CDH23: variants seen among roughly 807,000 people sequenced by gnomAD.
CDH23 encodes the protein cadherin related 23, also known as cadherin-23.
CDH23 carries 189 observed loss-of-function variants against 317.1 expected under a neutral mutation model. That is an observed-to-expected ratio of 0.60 (90% confidence interval 0.53 to 0.67). The LOEUF (loss-of-function observed/expected upper bound fraction) is 0.67. CDH23 is among the 30% of genes least tolerant of loss of function. CDH23 has a pLI of 0.00. For missense variants in CDH23, 4,401 were observed against 4,592.4 expected, an observed-to-expected ratio of 0.96 and a Z score of 1.20; for synonymous variants, 1,839 against 1,876.8, an observed-to-expected ratio of 0.98 and a Z score of 0.52.
chr10:71,658,262 AGAGAGAGGGAGGGAG>A (rs1428907250), intron 14 of CDH23, among the ~76,000 whole-genome samples: 2 of 152,132 alleles, frequency 1.3e-5, no homozygotes, highest in Non-Finnish European at 2.9e-5. Flanking sequence ...AGAAAGAGGA[AGAGAGAGGGAGGGAG>A]GAGAGAGCGA....
chr10:71,686,854 T>C (rs1421721244), intron 18 of CDH23, among the ~76,000 whole-genome samples: 3 of 151,844 alleles, frequency 2.0e-5, no homozygotes, highest in African/African-American at 4.8e-5. Context: ...TTGGTGAGGA[T>C]AAGAGTATTA....
At chr10:71,691,794 G>T (rs1320006404) in intron 20 of CDH23, among the ~76,000 whole-genome samples, 1 of 152,214 alleles carries the variant, frequency 6.6e-6, no homozygotes, top group Non-Finnish European at 1.5e-5. Flanking sequence ...GTGGTCAGTG[G>T]CCAGCAGGGC....
At chr10:71,437,330 C>T (rs1426410329) in intron 1 of CDH23, among the ~76,000 whole-genome samples, 3 of 152,170 alleles carry the variant, frequency 2.0e-5, no homozygotes, top group Admixed American at 6.5e-5. Context: ...GAGAGATGTT[C>T]GCGGTGGCAT....
intron 16 of CDH23, 77 bp from the exon 17 acceptor site, chr10:71,679,310 C>G: frequency 1.6e-6 from 1 of 639,936 alleles, no homozygotes; most frequent in Non-Finnish European, 2.9e-6. Flanking sequence ...GTCTTCCCCA[C>G]CCTCCCAGCT....
chr10:71,715,571 T>TGGCACCTGGAGGGCAAGGCTTC (rs1866176029), intron 28 of CDH23: 1 of 199,388 alleles, frequency 5.0e-6, no homozygotes, highest in Non-Finnish European at 1.0e-5. Context: ...TGCTGGGCTT[T>TGGCACCTGGAGGGCAAGGCTTC]GGCACCTGGA....
chr10:71,500,677 A>G (rs1853241389), intron 3 of CDH23, among the ~76,000 whole-genome samples: 1 of 152,170 alleles, frequency 6.6e-6, no homozygotes, highest in Admixed American at 6.5e-5. Flanking sequence ...GATAAAAACC[A>G]TGAGGGTTGT....
At chr10:71,557,517 A>G (rs888347316) in intron 6 of CDH23, among the ~76,000 whole-genome samples, 1 of 152,096 alleles carries the variant, frequency 6.6e-6, no homozygotes, top group Admixed American at 6.6e-5. Context: ...CTTTTCATGA[A>G]TGTCATATTT....
intron 9 of CDH23, among the ~76,000 whole-genome samples, chr10:71,593,746 C>T (rs1859655410): frequency 6.6e-6 from 1 of 152,192 alleles, no homozygotes; most frequent in African/African-American, 2.4e-5. Flanking sequence ...CAGTGACTAA[C>T]CTCTTCACAC....
intron 7 of CDH23, 145 bp from the exon 8 acceptor site, chr10:71,570,645 T>G: frequency 1.2e-6 from 1 of 848,420 alleles, no homozygotes; most frequent in Non-Finnish European, 1.8e-6. Context: ...CCTGCTGGAG[T>G]GCAAGAGCAT....
intron 38 of CDH23, chr10:71,753,062 C>T: frequency 6.3e-7 from 1 of 1,581,792 alleles, no homozygotes; most frequent in Non-Finnish European, 8.6e-7. Flanking sequence ...ATACAACATC[C>T]CTGCCCCTGC....
chr10:71,596,558 C>A (rs1018584788), intron 9 of CDH23, among the ~76,000 whole-genome samples: 7 of 152,260 alleles, frequency 4.6e-5, no homozygotes, highest in Admixed American at 3.3e-4. Context: ...TACTGGCTGG[C>A]CCCTGATCCA....
At chr10:71,519,780 T>C (rs1299125483) in intron 6 of CDH23, among the ~76,000 whole-genome samples, 1 of 151,796 alleles carries the variant, frequency 6.6e-6, no homozygotes, top group Non-Finnish European at 1.5e-5. Flanking sequence ...CTTTTCTTTT[T>C]CTTTTTTCTT....
chr10:71,432,768 G>C (rs1215600824), intron 1 of CDH23, among the ~76,000 whole-genome samples: 1 of 152,178 alleles, frequency 6.6e-6, no homozygotes, highest in Non-Finnish European at 1.5e-5. Flanking sequence ...AGACCCAGTG[G>C]GGCTGGACTC....
intron 6 of CDH23, chr10:71,512,303 A>G (rs1854036030): frequency 6.6e-6 from 1 of 152,210 alleles, no homozygotes; most frequent in African/African-American, 2.4e-5. Context: ...GATGGAAGAG[A>G]GGACAGATGT....
At chr10:71,466,459 T>C (rs1206673651) in intron 3 of CDH23, among the ~76,000 whole-genome samples, 2 of 152,256 alleles carry the variant, frequency 1.3e-5, no homozygotes, top group East Asian at 1.9e-4. Flanking sequence ...TGCATGTGCA[T>C]GTGAGAGTGT....
At chr10:71,783,165 C>T (rs555414091) in intron 41 of CDH23, among the ~76,000 whole-genome samples, 10 of 152,272 alleles carry the variant, frequency 6.6e-5, no homozygotes, top group African/African-American at 1.2e-4. Context: ...TGGGGGAATG[C>T]GGAGAGGTGG....
chr10:71,664,647 G>A (rs562104469), intron 14 of CDH23, among the ~76,000 whole-genome samples: 89 of 152,358 alleles, frequency 5.8e-4, no homozygotes, highest in Non-Finnish European at 1.0e-3. Context: ...GCGCCTGTGT[G>A]CTGGGCACAG....
Position 71,723,888 on chromosome 10 carries a change from C to T in CDH23, c.3370-157C>T, listed in dbSNP as rs3802713. 0.16 allele frequency among the ~76,000 whole-genome samples: 23,749 copies of T among 152,110 alleles called. 2,072 individuals carry two copies. Among genetic ancestry groups the T allele is most frequent in the South Asian group, 0.33 (1,582 of 4,814 alleles). On this transcript the variant is annotated intron_variant, in intron 28 of 69. Coordinates refer to ENST00000224721, the MANE Select transcript of CDH23 (RefSeq NM_022124.6). ...CTCTTGGGGATTAGAAAGACATACA[C>T]GTCCCCTTGTCTCCCACACCCCCAG...
intron 17 of CDH23, among the ~76,000 whole-genome samples, chr10:71,680,486 G>A (rs1479255740): frequency 3.3e-5 from 5 of 152,144 alleles, no homozygotes; most frequent in East Asian, 1.9e-4. Flanking sequence ...GGTGGCTCAC[G>A]TCTGTAATCC....
Sources: allele counts gnomAD v4.1 joint callset (sites outside exome capture counted in the v4.1 genomes callset), GRCh38; gene constraint gnomAD v4.1.1; transcripts MANE v1.5; gene names NCBI Gene and HGNC (gene_info 2026-07-23, HGNC 2026-07-21).